MARCHF11: variants seen among roughly 807,000 people sequenced by gnomAD.
MARCHF11 encodes membrane associated ring-CH-type finger 11.
MARCHF11 carries 29 observed loss-of-function variants against 37.3 expected under a neutral mutation model. That is an observed-to-expected ratio of 0.78 (90% CI 0.58 to 1.06). MARCHF11 has a LOEUF of 1.06. MARCHF11 is among the 50% of genes least tolerant of loss of function. MARCHF11 has a pLI of 0.00. For missense variants in MARCHF11, 482 were observed against 533.4 expected, an observed-to-expected ratio of 0.90 and a Z score of 0.95; for synonymous variants, 233 against 228.0, an observed-to-expected ratio of 1.02 and a Z score of -0.20.
chr5:16,156,608 C>T (rs1269398567), intron 2 of MARCHF11, among the ~76,000 whole-genome samples: 4 of 151,846 alleles, frequency 2.6e-5, no homozygotes, highest in African/African-American at 9.7e-5. Context: ...GATATTGTCC[C>T]AGTTTTGTAC....
chr5:16,107,177 C>T (rs1187062441), intron 2 of MARCHF11, among the ~76,000 whole-genome samples: 1 of 152,186 alleles, frequency 6.6e-6, no homozygotes, highest in East Asian at 1.9e-4. Context: ...AACAGCTGAA[C>T]CACCTTATAA....
At chr5:16,173,152 C>T (rs570314457) in intron 2 of MARCHF11, among the ~76,000 whole-genome samples, 1 of 152,196 alleles carries the variant, frequency 6.6e-6, no homozygotes, top group Non-Finnish European at 1.5e-5. Flanking sequence ...AAGTTTCTAA[C>T]CCTTCCCAAG....
intron 3 of MARCHF11, among the ~76,000 whole-genome samples, chr5:16,070,818 C>T (rs1393500786): frequency 2.0e-5 from 3 of 152,238 alleles, no homozygotes; most frequent in Admixed American, 6.5e-5. Context: ...AGGTTATGAA[C>T]GATGTTTAGA....
intron 2 of MARCHF11, among the ~76,000 whole-genome samples, chr5:16,143,513 G>A (rs1347036105): frequency 6.6e-6 from 1 of 152,142 alleles, no homozygotes; most frequent in African/African-American, 2.4e-5. Flanking sequence ...AACTCCTTTC[G>A]ACCTATTTAT....
rs75633769 is a variant in MARCHF11, at chr5:16,090,498, C to T, written c.886+391G>A. Among the ~76,000 whole-genome samples, 1,346 of 152,204 alleles carry T rather than the reference C, an allele frequency of 8.8e-3. 16 individuals are homozygous for T. The highest frequency in any genetic ancestry group is 0.031 in the African/African-American group (1,272 of 41,536). The stretch of plus-strand genomic sequence containing the variant: ...TCGAGATGTCTGTCCTCTCCCCAAA[C>T]GCACAATACAGTACCGCCATTTGCA... On this transcript the variant is annotated intron_variant, in intron 3 of 3. Coordinates refer to ENST00000332432, the MANE Select transcript of MARCHF11 (RefSeq NM_001102562.3).
At chr5:16,087,699 C>T (rs932637923) in intron 3 of MARCHF11, among the ~76,000 whole-genome samples, 4 of 151,760 alleles carry the variant, frequency 2.6e-5, no homozygotes, top group East Asian at 1.9e-4. Flanking sequence ...GACCCTTGAG[C>T]GAACTCAAAA....
chr5:16,133,457 G>T (rs946157844), intron 2 of MARCHF11, among the ~76,000 whole-genome samples: 5 of 152,142 alleles, frequency 3.3e-5, no homozygotes, highest in African/African-American at 4.8e-5. Context: ...TCTGACCACA[G>T]AGGCATGAGA....
At chr5:16,127,947 T>G (rs181161159) in intron 2 of MARCHF11, among the ~76,000 whole-genome samples, 2 of 152,240 alleles carry the variant, frequency 1.3e-5, no homozygotes. Flanking sequence ...TTTCTGGCCA[T>G]GAACTTGGCA....
chr5:16,093,656 C>T (rs2126558709), intron 2 of MARCHF11, among the ~76,000 whole-genome samples: 1 of 152,272 alleles, frequency 6.6e-6, no homozygotes, highest in South Asian at 2.1e-4. Flanking sequence ...AAGCAAGAAA[C>T]AGGGACGCTT....
At chr5:16,074,958 T>C (rs1736493714) in intron 3 of MARCHF11, among the ~76,000 whole-genome samples, 1 of 152,242 alleles carries the variant, frequency 6.6e-6, no homozygotes, top group South Asian at 2.1e-4. Flanking sequence ...GCCATCGGCC[T>C]GGACACAAAA....
chr5:16,170,640 T>C (rs1738248241), intron 2 of MARCHF11, among the ~76,000 whole-genome samples: 1 of 152,110 alleles, frequency 6.6e-6, no homozygotes. Flanking sequence ...AACACTCAGG[T>C]ATGCATCTAT....
chr5:16,071,202 A>G (rs1736430878), intron 3 of MARCHF11, among the ~76,000 whole-genome samples: 1 of 152,228 alleles, frequency 6.6e-6, no homozygotes, highest in African/African-American at 2.4e-5. Context: ...CTAAGCTTAC[A>G]TGAAGCGAAA....
chr5:16,147,258 C>A (rs1176653766), intron 2 of MARCHF11, among the ~76,000 whole-genome samples: 1 of 152,108 alleles, frequency 6.6e-6, no homozygotes, highest in South Asian at 2.1e-4. Context: ...AAAATCACTG[C>A]TAAAGCCAGC....
Position 16,091,023 on chromosome 5 carries a change from C to T in MARCHF11, c.752G>A (p.Gly251Glu), listed in dbSNP as rs1473774361. ...EKVQMIAVIL[G>E]SLFLIASVTW... ...CACACTGGCTATTAAGAACAGGGAT[C>T]CTAGGATTACAGCAATCATCTGAAC... Residue 251 changes from glycine (G) to glutamate (E), a missense_variant, in exon 3 of 4, where the codon GGA becomes GAA. By Grantham distance (98) the Gly-to-Glu change is moderately conservative (BLOSUM62 -2). Transcript: ENST00000332432. 6.2e-7 allele frequency: 1 copy of T among 1,608,874 alleles called. No homozygotes were observed. The highest frequency in any genetic ancestry group is 8.5e-7 in the Non-Finnish European group (1 of 1,177,584).
intron 3 of MARCHF11, among the ~76,000 whole-genome samples, chr5:16,074,328 G>T (rs1232791547): frequency 6.6e-6 from 1 of 151,968 alleles, no homozygotes; most frequent in Non-Finnish European, 1.5e-5. Flanking sequence ...ACAATCTAAG[G>T]TCACACCACA....
At position 16,155,056 on chromosome 5, in the gene MARCHF11, A is replaced by G. The variant is rs1309810421; in HGVS notation, c.693+22670T>C. Among the ~76,000 whole-genome samples, 19 of 151,892 alleles carry G rather than the reference A, an allele frequency of 1.3e-4. 1 individual carries two copies. The highest frequency in any genetic ancestry group is 1.2e-3 in the Admixed American group (19 of 15,222). ...ACACATCATTTTTATTACAGAGGAA[A>G]ATGAGAAACTATCTAATGTTCCTAA... On this transcript the variant is annotated intron_variant, in intron 2 of 3. Coordinates refer to ENST00000332432, the MANE Select transcript of MARCHF11 (RefSeq NM_001102562.3).
At chr5:16,137,722 G>A (rs1038498439) in intron 2 of MARCHF11, among the ~76,000 whole-genome samples, 1 of 152,180 alleles carries the variant, frequency 6.6e-6, no homozygotes, top group Non-Finnish European at 1.5e-5. Context: ...TCCAGTCTGA[G>A]GTGGTCTCAG....
At chr5:16,117,337 A>G (rs1737239961) in intron 2 of MARCHF11, among the ~76,000 whole-genome samples, 1 of 152,230 alleles carries the variant, frequency 6.6e-6, no homozygotes, top group Admixed American at 6.5e-5. Flanking sequence ...TTATCTATCC[A>G]TTCGGCATGT....
chr5:16,086,664 T>A (rs1032508625), intron 3 of MARCHF11, among the ~76,000 whole-genome samples: 2 of 152,228 alleles, frequency 1.3e-5, no homozygotes, highest in East Asian at 3.8e-4. Context: ...GAACTTGAAC[T>A]CACCTCATCT....
Sources: gnomAD v4.1 joint callset for allele counts (sites outside exome capture counted in the v4.1 genomes callset) on GRCh38, gnomAD v4.1.1 for gene constraint, MANE v1.5 for transcripts, NCBI Gene and HGNC (gene_info 2026-07-23, HGNC 2026-07-21) for gene names.